KPNA4: variants seen among roughly 807,000 people sequenced by gnomAD.
The protein encoded by KPNA4 is importin subunit alpha-3.
A neutral mutation model predicts 71.3 loss-of-function variants in KPNA4; 13 were observed. The ratio of observed to expected loss-of-function variants is 0.18; its 90% CI spans 0.12 to 0.29. The LOEUF is 0.29. KPNA4 is among the 10% of genes least tolerant of loss of function. The pLI is 1.00. For synonymous variants in KPNA4, 189 were observed against 195.2 expected (o/e 0.97, Z 0.26); for missense variants, 334 against 603.2 (o/e 0.55, Z 4.67).
chr3:160,511,495 C>T (rs1308912459), intron 13 of KPNA4, among the ~76,000 whole-genome samples: 2 of 151,742 alleles, frequency 1.3e-5, no homozygotes, highest in African/African-American at 2.4e-5. Flanking sequence ...ATAGTGCATC[C>T]GTACAATGCA....
intron 1 of KPNA4, among the ~76,000 whole-genome samples, chr3:160,563,657 T>TA (rs1722287228): frequency 6.6e-6 from 1 of 152,246 alleles, no homozygotes; most frequent in Non-Finnish European, 1.5e-5. Context: ...TTTTAAGTTT[T>TA]ATCATTTGTG....
At chr3:160,553,495 C>T (rs1198654820) in intron 1 of KPNA4, among the ~76,000 whole-genome samples, 3 of 152,182 alleles carry the variant, frequency 2.0e-5, no homozygotes, top group African/African-American at 7.2e-5. Context: ...CAGAGCAGAA[C>T]TTTGCAGATC....
intron 1 of KPNA4, among the ~76,000 whole-genome samples, chr3:160,560,979 C>T (rs970955814): frequency 3.3e-5 from 5 of 151,824 alleles, no homozygotes; most frequent in Admixed American, 2.6e-4. Context: ...TCACTCTGTA[C>T]ACTTTAACAA....
chr3:160,530,975 G>T (rs753856128), intron 6 of KPNA4, 35 bp from the exon 7 acceptor site: 6 of 1,432,828 alleles, frequency 4.2e-6, no homozygotes, highest in African/African-American at 1.4e-5. Context: ...AAACAGCAGG[G>T]ATTTTTACAT....
At chr3:160,541,614 G>C (rs1339964583) in intron 1 of KPNA4, among the ~76,000 whole-genome samples, 6 of 151,272 alleles carry the variant, frequency 4.0e-5, no homozygotes, top group Admixed American at 6.6e-5. Context: ...AATTTTATGA[G>C]AGGTAATAAA....
At chr3:160,506,683 G>A (rs995075538) in intron 15 of KPNA4, among the ~76,000 whole-genome samples, 1 of 152,126 alleles carries the variant, frequency 6.6e-6, no homozygotes, top group Non-Finnish European at 1.5e-5. Context: ...AATGTATAAA[G>A]ATATTTTAGT....
intron 16 of KPNA4, among the ~76,000 whole-genome samples, chr3:160,504,201 T>G (rs1720938410): frequency 6.6e-6 from 1 of 152,242 alleles, no homozygotes; most frequent in Non-Finnish European, 1.5e-5. Context: ...TTTCTAATAT[T>G]GTCCTTGTCA....
intron 13 of KPNA4, among the ~76,000 whole-genome samples, chr3:160,511,100 C>T (rs1340975964): frequency 1.4e-5 from 2 of 145,612 alleles, no homozygotes; most frequent in African/African-American, 2.6e-5. Flanking sequence ...ACAAGCTATT[C>T]TTTTATTTAT....
rs769475184 is a variant in KPNA4, at chr3:160,527,968, A to G, written c.541T>C (p.Leu181=). The G allele has an allele frequency of 1.2e-6, 2 of 1,611,274 alleles. No individual in the cohort carries two copies. Among genetic ancestry groups the G allele is most frequent in the Non-Finnish European group, 1.7e-6 (2 of 1,178,078 alleles). Reference sequence around the variant, plus strand: ...TTATACAAACCTATGATATTTCCCAATGCCCACACTGCTTGCTCACAGACA... The same window carrying G: ...TTATACAAACCTATGATATTTCCCAGTGCCCACACTGCTTGCTCACAGACA... ...QNVCEQAVWA[L]GNIIGDGPQC... is the part of the protein sequence containing the mutation. Residue 181 remains leucine, a synonymous_variant, in exon 8 of 17, where the codon TTG becomes CTG. Coordinates refer to ENST00000334256, the MANE Select transcript of KPNA4 (RefSeq NM_002268.5).
chr3:160,511,542 G>A (rs1252097276), intron 13 of KPNA4, among the ~76,000 whole-genome samples: 2 of 151,150 alleles, frequency 1.3e-5, no homozygotes, highest in Admixed American at 1.3e-4. Flanking sequence ...GAAAAACAAG[G>A]AATAAGAAAA....
chr3:160,562,632 T>C (rs2108563584), intron 1 of KPNA4, among the ~76,000 whole-genome samples: 1 of 152,356 alleles, frequency 6.6e-6, no homozygotes, highest in South Asian at 2.1e-4. Context: ...TACAAGCATA[T>C]GTGATTTTGA....
At chr3:160,521,485 C>T (rs1230273934) in intron 11 of KPNA4, among the ~76,000 whole-genome samples, 1 of 152,120 alleles carries the variant, frequency 6.6e-6, no homozygotes, top group Non-Finnish European at 1.5e-5. Flanking sequence ...CCTGTGATCC[C>T]AACCACTCAA....
In KPNA4 at chr3:160,565,399, C is replaced by T; in HGVS notation, c.-117G>A. On this transcript the variant is annotated 5_prime_UTR_variant, in exon 1 of 17. Transcript: ENST00000334256. ...GCCTGAGCTGCTGTGCCCGCCGCGC[C>T]GCCGCTTCCTTCCTCCTCTCACCTG... is the stretch of plus-strand genomic sequence containing the variant. The T allele has an allele frequency of 1.3e-6, 1 of 799,474 alleles. No individual in the cohort carries two copies. The highest frequency in any genetic ancestry group is 1.6e-5 in the South Asian group (1 of 60,880). 49.5% of individuals were successfully genotyped at this position (799,474 alleles called of 1,614,324 possible). A position where few individuals can be genotyped will look rare whatever the true frequency, so the allele number is the denominator to read the frequency against.
At chr3:160,525,607 TATAG>T (rs1235303008) in intron 10 of KPNA4, among the ~76,000 whole-genome samples, 189 bp downstream of exon 10, 2 of 152,272 alleles carry the variant, frequency 1.3e-5, no homozygotes, top group East Asian at 1.9e-4. Context: ...TATTTTGTGA[TATAG>T]ATAAACATAG....
intron 1 of KPNA4, among the ~76,000 whole-genome samples, chr3:160,554,408 T>C (rs1469862057): frequency 2.0e-5 from 3 of 152,200 alleles, no homozygotes; most frequent in Non-Finnish European, 4.4e-5. Context: ...ACTAATTTAT[T>C]TTCTGTCTCT....
At chr3:160,506,035 C>G (rs572433452) in intron 15 of KPNA4, among the ~76,000 whole-genome samples, 2 of 152,202 alleles carry the variant, frequency 1.3e-5, no homozygotes, top group East Asian at 3.9e-4. Context: ...CCCAAGTTCC[C>G]CTTTCCCTCA....
intron 1 of KPNA4, among the ~76,000 whole-genome samples, chr3:160,540,630 T>TA (rs1721780442): frequency 6.6e-6 from 1 of 152,228 alleles, no homozygotes; most frequent in Non-Finnish European, 1.5e-5. Context: ...AAGGGATATA[T>TA]AAGACTTCTA....
chr3:160,547,069 A>T (rs1349530683), intron 1 of KPNA4, among the ~76,000 whole-genome samples: 1 of 152,230 alleles, frequency 6.6e-6, no homozygotes, highest in Non-Finnish European at 1.5e-5. Context: ...TGGAGTATGT[A>T]GGCGACATGT....
chr3:160,562,114 C>T (rs1257806241), intron 1 of KPNA4, among the ~76,000 whole-genome samples: 1 of 152,134 alleles, frequency 6.6e-6, no homozygotes, highest in African/African-American at 2.4e-5. Context: ...TTACCTCTCC[C>T]TAAATGCTAT....
Sources: gnomAD v4.1 joint callset for allele counts (sites outside exome capture counted in the v4.1 genomes callset) on GRCh38, gnomAD v4.1.1 for gene constraint, MANE v1.5 for transcripts, NCBI Gene and HGNC (gene_info 2026-07-23, HGNC 2026-07-21) for gene names.